Variants in MYH9 observed in about 807,000 individuals in gnomAD.
The protein encoded by MYH9 is myosin-9.
A neutral mutation model predicts 241.9 loss-of-function variants in MYH9; 29 were observed. That is an observed-to-expected ratio of 0.12 (90% CI 0.09 to 0.16). The LOEUF (loss-of-function observed/expected upper bound fraction) is 0.16, where lower values mean the gene tolerates loss of function less well. Ranked by LOEUF, MYH9 falls within the 10% of genes least tolerant of loss-of-function variation. The probability of loss-of-function intolerance (pLI) is 1.00; values close to 1 mark genes in which losing one functional copy is unlikely to be tolerated. For synonymous variants in MYH9, 1,047 were observed against 1,062.6 expected (o/e 0.99, Z 0.29); for missense variants, 1,803 against 2,595.5 (o/e 0.69, Z 6.63).
intron 5 of MYH9, 108 bp downstream of exon 5, chr22:36,326,460 C>A: frequency 9.3e-7 from 1 of 1,081,070 alleles, no homozygotes; most frequent in South Asian, 1.2e-5. Flanking sequence ...GCTTCATTCC[C>A]CAAAGCATCC....
Position 36,305,047 on chromosome 22 carries a change from C to T in MYH9, c.2215G>A (p.Ala739Thr). 6.2e-7 allele frequency: 1 copy of T among 1,614,070 alleles called. No individual in the cohort carries two copies. Among genetic ancestry groups the T allele is most frequent in the Non-Finnish European group, 8.5e-7 (1 of 1,179,976 alleles). Residue 739 changes from alanine (A) to threonine (T), a missense_variant, in exon 18 of 41, where the codon GCG becomes ACG. Ala to Thr is a moderately conservative substitution (Grantham distance 58). Transcript: ENST00000216181. This position sits in a 1 kb window ranked among gnomAD's most constrained non-coding sequence, Gnocchi z 4.7. ...IPKGFMDGKQ[A>T]CVLMIKALEL... ...GCTCAACTCACCATGAGCACGCACG[C>T]CTGCTTCCCGTCCATGAAACCCTTG...
At position 36,379,148 on chromosome 22, in the gene MYH9, C is replaced by T. The variant is rs116729275; in HGVS notation, c.-20+8659G>A. Among the ~76,000 whole-genome samples the T allele has an allele frequency of 5.0e-3, 754 of 152,156 alleles. 8 individuals are homozygous for T. Among genetic ancestry groups the T allele is most frequent in the African/African-American group, 0.015 (615 of 41,508 alleles). On this transcript the variant is annotated intron_variant, in intron 1 of 40. Transcript: ENST00000216181. The stretch of plus-strand genomic sequence containing the variant: ...GAAGAAAGGCTCTTCTTTCTAAGGC[C>T]CACGTCCTTTTGGTGAGTGGCAACC...
chr22:36,295,120 A>C lies in MYH9; in HGVS notation c.3486-44T>G. On this transcript the variant is annotated intron_variant, in intron 26 of 40. Transcript: ENST00000216181. This position sits in a 1 kb window ranked among gnomAD's most constrained non-coding sequence, Gnocchi z 4.1. The stretch of plus-strand genomic sequence containing the variant: ...TCAGAGTGGAGGCCGGGGATGCTGG[A>C]GCGAGGCTGTCCCTGGGGCTCTTCC... 1 of 1,613,598 alleles carries C rather than the reference A, an allele frequency of 6.2e-7. No homozygotes were observed. Among genetic ancestry groups the C allele is most frequent in the Non-Finnish European group, 8.5e-7 (1 of 1,179,930 alleles).
intron 1 of MYH9, among the ~76,000 whole-genome samples, chr22:36,350,092 G>A (rs184592166): frequency 2.0e-5 from 3 of 152,316 alleles, no homozygotes; most frequent in Admixed American, 6.5e-5. Context: ...AAAAAGCACA[G>A]AGAAAAGATG....
chr22:36,336,719 G>A (rs771165848), intron 3 of MYH9, among the ~76,000 whole-genome samples: 18 of 152,180 alleles, frequency 1.2e-4, no homozygotes. Context: ...ACACACCACC[G>A]CCTTTCTGCA....
Position 36,378,836 on chromosome 22 carries a change from A to G in MYH9, c.-20+8971T>C, listed in dbSNP as rs77316012. Among the ~76,000 whole-genome samples, 1,092 of 152,264 alleles carry G rather than the reference A, an allele frequency of 7.2e-3. 8 individuals are homozygous for G. The highest frequency in any genetic ancestry group is 0.012 in the Non-Finnish European group (842 of 68,008). Reference sequence around the variant, plus strand: ...CAGGGCATAAACATCAAAAAAAAAGAGAGTCACCATTTAGAAAACACGCTT... The same window carrying G: ...CAGGGCATAAACATCAAAAAAAAAGGGAGTCACCATTTAGAAAACACGCTT... On this transcript the variant is annotated intron_variant, in intron 1 of 40. Coordinates refer to ENST00000216181, the MANE Select transcript of MYH9 (RefSeq NM_002473.6).
intron 35 of MYH9, 151 bp from the exon 36 acceptor site, chr22:36,286,104 G>T (rs543336298): frequency 1.3e-6 from 1 of 761,470 alleles, no homozygotes; most frequent in South Asian, 1.5e-5. Context: ...CACAGGGCTG[G>T]TGCCCCCCTG....
intron 1 of MYH9, among the ~76,000 whole-genome samples, chr22:36,377,334 A>G (rs2018184602): frequency 6.6e-6 from 1 of 152,194 alleles, no homozygotes; most frequent in Non-Finnish European, 1.5e-5. Context: ...CAGTGACTTA[A>G]TGTGAAACAC....
chr22:36,321,683 G>A, intron 7 of MYH9, 75 bp downstream of exon 7: 3 of 1,356,334 alleles, frequency 2.2e-6, no homozygotes, highest in Non-Finnish European at 3.2e-6. Flanking sequence ...GGAATCAGGA[G>A]GCAGCTTCTT....
intron 14 of MYH9, 59 bp from the exon 15 acceptor site, chr22:36,309,455 G>A: frequency 3.9e-6 from 5 of 1,294,762 alleles, no homozygotes; most frequent in Non-Finnish European, 5.6e-6. Flanking sequence ...GTGCTCACAG[G>A]GTCTCCGGAG....
intron 1 of MYH9, among the ~76,000 whole-genome samples, chr22:36,352,252 G>A (rs1008086956): frequency 3.9e-5 from 6 of 152,204 alleles, no homozygotes; most frequent in South Asian, 4.1e-4. Flanking sequence ...TTTGCCGGAT[G>A]TTATCAGGTA....
intron 1 of MYH9, among the ~76,000 whole-genome samples, chr22:36,361,131 G>A (rs191464512): frequency 6.6e-6 from 1 of 152,318 alleles, no homozygotes; most frequent in Admixed American, 6.5e-5. Flanking sequence ...AGCTGCCAGT[G>A]CCCAGGAGGT....
At chr22:36,351,054 C>G (rs1199852098) in intron 1 of MYH9, among the ~76,000 whole-genome samples, 7 of 152,190 alleles carry the variant, frequency 4.6e-5, no homozygotes, top group Non-Finnish European at 7.3e-5. Context: ...AGGCTGGGGG[C>G]ATGGGAGGGA....
intron 20 of MYH9, 107 bp downstream of exon 20, chr22:36,302,461 G>T: frequency 3.1e-6 from 3 of 982,284 alleles, no homozygotes; most frequent in South Asian, 1.3e-5. Context: ...CAACCTGGGC[G>T]ACATGGTGAG....
chr22:36,322,733 T>C (rs1330649658), intron 5 of MYH9, among the ~76,000 whole-genome samples: 1 of 152,260 alleles, frequency 6.6e-6, no homozygotes, highest in East Asian at 1.9e-4. Flanking sequence ...TTGGAAACCT[T>C]GGTCAGTTTG....
At position 36,295,432 on chromosome 22, in the gene MYH9, G is replaced by C; in HGVS notation, c.3485+73C>G. 2 of 1,233,840 alleles carry C rather than the reference G, an allele frequency of 1.6e-6. No individual in the cohort carries two copies. 76.4% of individuals were successfully genotyped at this position (1,233,840 alleles called of 1,614,324 possible). A position where few individuals can be genotyped will look rare whatever the true frequency, so the allele number is the denominator to read the frequency against. ...TGTGTGTGTGTGTGTGCAGAGGCCC[G>C]GGGTCCATGTCTCCAAGCCAAGGCC... On this transcript the variant is annotated intron_variant, in intron 26 of 40. Coordinates refer to ENST00000216181, the MANE Select transcript of MYH9 (RefSeq NM_002473.6). The surrounding 1 kb of genome is among the most constrained non-coding windows in gnomAD (Gnocchi z 4.1).
chr22:36,308,766 C>A, intron 15 of MYH9: 1 of 957,678 alleles, frequency 1.0e-6, no homozygotes. Flanking sequence ...CAGCTTTGGA[C>A]GCACCACACA....
chr22:36,309,354 G>A lies in MYH9; in HGVS notation c.1771C>T (p.Pro591Ser), dbSNP rs2017023097. The change falls in exon 15 of 41, where the codon CCC becomes TCC. Residue 591 changes from proline (P) to serine (S), a missense_variant. Around this residue, in one of 11 missense-constraint regions of MYH9, gnomAD observed 163 missense variants for 349.7 expected, o/e 0.47. Transcript: ENST00000216181. The part of the protein sequence containing the change: ...ADEWLMKNMD[P>S]LNDNIATLLH... ...AGTGTGGCGATGTTGTCATTCAGGGGATCCATGTTCTTCATCAGCCACTCG... is the reference window on the plus strand; with the variant it reads ...AGTGTGGCGATGTTGTCATTCAGGGAATCCATGTTCTTCATCAGCCACTCG... 1 of 1,614,196 alleles carries A rather than the reference G, an allele frequency of 6.2e-7. No homozygotes were observed. The highest frequency in any genetic ancestry group is 1.3e-5 in the African/African-American group (1 of 75,046).
At chr22:36,358,624 C>A (rs2017892462) in intron 1 of MYH9, among the ~76,000 whole-genome samples, 1 of 152,138 alleles carries the variant, frequency 6.6e-6, no homozygotes, top group African/African-American at 2.4e-5. Flanking sequence ...AGACACCATC[C>A]ATCTGGCCAC....
Sources: gnomAD v4.1 joint callset for allele counts (sites outside exome capture counted in the v4.1 genomes callset) on GRCh38, gnomAD v4.1.1 for gene constraint, gnomAD v4.1.1 regional missense constraint, Gnocchi (gnomAD v3.1) non-coding constraint, MANE v1.5 for transcripts, NCBI Gene and HGNC (gene_info 2026-07-23, HGNC 2026-07-21) for gene names.